MYH13: variants seen among roughly 807,000 people sequenced by gnomAD.
MYH13 encodes myosin-13.
MYH13 carries 177 observed loss-of-function variants against 232.1 expected under a neutral mutation model. The observed-to-expected ratio is 0.76, with a 90% CI of 0.67 to 0.86. The LOEUF (loss-of-function observed/expected upper bound fraction) is 0.86, where lower values mean the gene tolerates loss of function less well. MYH13 is among the 40% of genes least tolerant of loss of function. MYH13 has a pLI of 0.00. For missense variants in MYH13, 2,246 were observed against 2,405.9 expected, an observed-to-expected ratio of 0.93 and a Z score of 1.39; for synonymous variants, 884 against 923.5, an observed-to-expected ratio of 0.96 and a Z score of 0.78.
chr17:10,348,019 T>C (rs11652249), intron 12 of MYH13, among the ~76,000 whole-genome samples: 24,335 of 152,136 alleles, frequency 0.16, 2,574 homozygotes, highest in Middle Eastern at 0.24. Flanking sequence ...CCCCCAGGGA[T>C]AACTTCTTGG....
At chr17:10,323,091 C>T (rs946803449) in intron 23 of MYH13, among the ~76,000 whole-genome samples, 3 of 152,128 alleles carry the variant, frequency 2.0e-5, no homozygotes, top group African/African-American at 7.2e-5. Context: ...CTGGCACTGC[C>T]TCCAGCTGTC....
intron 24 of MYH13, among the ~76,000 whole-genome samples, 198 bp from the exon 25 acceptor site, chr17:10,320,694 T>G (rs577527320): frequency 6.6e-6 from 1 of 152,246 alleles, no homozygotes; most frequent in Non-Finnish European, 1.5e-5. Context: ...CTACCCAGGG[T>G]GGGGCTGGAT....
chr17:10,346,852 C>A (rs1310467115), intron 12 of MYH13, 54 bp from the exon 13 acceptor site: 1 of 1,304,398 alleles, frequency 7.7e-7, no homozygotes, highest in Non-Finnish European at 1.1e-6. Flanking sequence ...GCTAAAGTGT[C>A]CAGTCAGCCC....
intron 35 of MYH13, among the ~76,000 whole-genome samples, chr17:10,308,707 G>GT (rs968993964): frequency 6.6e-6 from 1 of 151,784 alleles, no homozygotes; most frequent in Non-Finnish European, 1.5e-5. Context: ...ATTATTTTGT[G>GT]TTTTTGTTGT....
In MYH13 at chr17:10,315,949, T is replaced by C; in HGVS notation, c.3815A>G (p.Gln1272Arg). The change falls in exon 28 of 41, where the codon CAG (glutamine) becomes CGG (arginine). Residue 1272 changes from glutamine to arginine, a missense_variant. Gln to Arg is a conservative substitution (Grantham distance 43, BLOSUM62 1). Coordinates refer to ENST00000252172, the MANE Select transcript of MYH13 (RefSeq NM_003802.3). Reference protein sequence around the residue: ...EIKAKDEQQTQLIHDLNMQKA... With the variant: ...EIKAKDEQQTRLIHDLNMQKA... ...CTGCATGTTCAGATCATGGATCAAC[T>C]GTGTCTGTTGCTCGTCCTTGGCTTT... 2 of 1,614,010 alleles carry C rather than the reference T, an allele frequency of 1.2e-6. No homozygotes were observed. Among genetic ancestry groups the C allele is most frequent in the Non-Finnish European group, 1.7e-6 (2 of 1,179,884 alleles).
At chr17:10,346,590 A>C in intron 13 of MYH13, 90 bp downstream of exon 13, 2 of 1,007,362 alleles carry the variant, frequency 2.0e-6, no homozygotes, top group South Asian at 1.6e-5. Context: ...TTTCATGTGC[A>C]TTTCTGATAC....
intron 16 of MYH13, among the ~76,000 whole-genome samples, chr17:10,341,651 A>G (rs2071620442): frequency 6.6e-6 from 1 of 152,062 alleles, no homozygotes; most frequent in Non-Finnish European, 1.5e-5. Context: ...GGGGTCTAGC[A>G]TGACTGTGTG....
chr17:10,332,344 G>A, intron 19 of MYH13, 122 bp from the exon 20 acceptor site: 1 of 1,309,620 alleles, frequency 7.6e-7, no homozygotes, highest in African/African-American at 1.5e-5. Flanking sequence ...TGTACAGCTG[G>A]TCTGGGAGAT....
In MYH13 at chr17:10,362,463, G is replaced by T. The variant is rs1421826345; in HGVS notation, c.245C>A (p.Pro82His). Residue 82 changes from proline to histidine, a missense_variant, in exon 4 of 41, where the codon CCT (proline) becomes CAT (histidine). Transcript: ENST00000252172. ...LNNDQVFPMNPPKFDKIEDMA... is the reference protein window; with the variant it reads ...LNNDQVFPMNHPKFDKIEDMA... ...GTCCTCGATCTTGTCAAATTTGGGA[G>T]GGTTCATGGGGAAGACCTGGTCATT... The T allele has an allele frequency of 1.2e-6, 2 of 1,614,184 alleles. No individual in the cohort carries two copies. Among genetic ancestry groups the T allele is most frequent in the Non-Finnish European group, 1.7e-6 (2 of 1,180,042 alleles).
intron 22 of MYH13, among the ~76,000 whole-genome samples, chr17:10,325,769 T>C (rs1307202830): frequency 6.6e-6 from 1 of 152,190 alleles, no homozygotes; most frequent in South Asian, 2.1e-4. Flanking sequence ...CTCTGCCTCC[T>C]GGGTTCAAGT....
chr17:10,365,997 C>T (rs1342695094), intron 2 of MYH13, among the ~76,000 whole-genome samples: 1 of 151,598 alleles, frequency 6.6e-6, no homozygotes, highest in African/African-American at 2.4e-5. Context: ...TGTATTTTTT[C>T]CTTCTTTTAT....
intron 39 of MYH13, among the ~76,000 whole-genome samples, chr17:10,302,702 A>C (rs1906136291): frequency 6.6e-6 from 1 of 152,050 alleles, no homozygotes; most frequent in Admixed American, 6.6e-5. Context: ...CACCTATTTG[A>C]TCAAAGGGTG....
chr17:10,354,915 T>C lies in MYH13; in HGVS notation c.881A>G (p.Asn294Ser). 1.2e-6 allele frequency: 2 copies of C among 1,602,276 alleles called. No individual in the cohort carries two copies. The highest frequency in any genetic ancestry group is 8.6e-7 in the Non-Finnish European group (1 of 1,169,252). ...CTTACCAATTAGTTCTGGCTTCTTGTTTGACATAATTTGGTAGAAAATATG... is the reference window on the plus strand; with the variant it reads ...CTTACCAATTAGTTCTGGCTTCTTGCTTGACATAATTTGGTAGAAAATATG... ...SYHIFYQIMS[N>S]KKPELIDLLL... The change falls in exon 10 of 41, where the codon AAC becomes AGC. Residue 294 changes from asparagine (N) to serine (S), a missense_variant. Transcript: ENST00000252172.
Position 10,360,202 on chromosome 17 carries a change from G to C in MYH13, c.506-14C>G. On this transcript the variant is annotated splice_polypyrimidine_tract_variant and intron_variant, in intron 5 of 40. Transcript: ENST00000252172. ...GGTTGTCTCGATCTAGAAATGCAGA[G>C]GGAAGCAAAACAAAACAAATAAACA... 6.2e-7 allele frequency: 1 copy of C among 1,611,998 alleles called. No individual in the cohort carries two copies.
chr17:10,366,977 C>G (rs1387210896), intron 2 of MYH13, among the ~76,000 whole-genome samples: 1 of 152,228 alleles, frequency 6.6e-6, no homozygotes, highest in Non-Finnish European at 1.5e-5. Context: ...TAGTAAGGGA[C>G]TGGAATTCAA....
intron 26 of MYH13, among the ~76,000 whole-genome samples, chr17:10,319,802 G>A (rs190217647): frequency 2.6e-5 from 4 of 152,298 alleles, no homozygotes; most frequent in East Asian, 3.9e-4. Context: ...AGTCTTAAAT[G>A]TGTACAAAAA....
At chr17:10,370,784 G>A (rs2071872361) in intron 2 of MYH13, among the ~76,000 whole-genome samples, 1 of 152,174 alleles carries the variant, frequency 6.6e-6, no homozygotes, top group South Asian at 2.1e-4. Flanking sequence ...ACCGGGCATA[G>A]GATTGAACGG....
chr17:10,301,784 A>C, intron 39 of MYH13, 81 bp from the exon 40 acceptor site: 1 of 1,535,836 alleles, frequency 6.5e-7, no homozygotes, highest in Non-Finnish European at 8.8e-7. Context: ...AAGGCCTCTG[A>C]GGAGTTAAGC....
At chr17:10,346,063 T>G (rs1264431341) in intron 13 of MYH13, among the ~76,000 whole-genome samples, 1 of 148,750 alleles carries the variant, frequency 6.7e-6, no homozygotes, top group Non-Finnish European at 1.5e-5. Flanking sequence ...CAATTTCAGA[T>G]CATTCAATGC....
Sources: allele counts gnomAD v4.1 joint callset (sites outside exome capture counted in the v4.1 genomes callset), GRCh38; gene constraint gnomAD v4.1.1; transcripts MANE v1.5; gene names NCBI Gene and HGNC (gene_info 2026-07-23, HGNC 2026-07-21).